ADAMTS19: variants seen among roughly 807,000 people sequenced by gnomAD.
The protein encoded by ADAMTS19 is ADAM metallopeptidase with thrombospondin type 1 motif 19.
Under a neutral mutation model 153.3 loss-of-function variants are expected in ADAMTS19, and 93 were observed. That is an observed-to-expected ratio of 0.61 (90% CI 0.51 to 0.72). The LOEUF (loss-of-function observed/expected upper bound fraction) is 0.72, where lower values mean the gene tolerates loss of function less well. ADAMTS19 is among the 30% of genes least tolerant of loss of function. ADAMTS19 has a pLI of 0.00. For missense variants in ADAMTS19, 1,482 were observed against 1,552.1 expected (o/e 0.95, Z 0.76); for synonymous variants, 600 against 556.6 (o/e 1.08, Z -1.10).
chr5:129,615,633 C>T (rs1344846443), intron 8 of ADAMTS19, among the ~76,000 whole-genome samples: 1 of 151,920 alleles, frequency 6.6e-6, no homozygotes, highest in Non-Finnish European at 1.5e-5. Flanking sequence ...TATTAATACA[C>T]TCATAAGAAC....
intron 7 of ADAMTS19, among the ~76,000 whole-genome samples, chr5:129,592,420 A>G (rs935844520): frequency 6.7e-6 from 1 of 150,130 alleles, no homozygotes; most frequent in Non-Finnish European, 1.5e-5. Flanking sequence ...AAGGGCCTCT[A>G]TTGCATCTAT....
intron 8 of ADAMTS19, among the ~76,000 whole-genome samples, chr5:129,616,960 A>G (rs1018186327): frequency 3.9e-5 from 6 of 152,072 alleles, no homozygotes; most frequent in South Asian, 2.1e-4. Flanking sequence ...GTGAGCATCA[A>G]ACTGCCCGGA....
chr5:129,639,798 A>G (rs1752712608), intron 10 of ADAMTS19, among the ~76,000 whole-genome samples: 1 of 152,212 alleles, frequency 6.6e-6, no homozygotes, highest in Non-Finnish European at 1.5e-5. Flanking sequence ...AAGAAAAATC[A>G]ACATTTGACC....
At chr5:129,519,525 G>A (rs1751722482) in intron 3 of ADAMTS19, among the ~76,000 whole-genome samples, 1 of 151,956 alleles carries the variant, frequency 6.6e-6, no homozygotes, top group Admixed American at 6.6e-5. Flanking sequence ...ACTGTCTCTA[G>A]CACTTGCCTA....
chr5:129,559,683 C>T (rs73787575), intron 7 of ADAMTS19, among the ~76,000 whole-genome samples: 5,936 of 152,200 alleles, frequency 0.039, 359 homozygotes, highest in African/African-American at 0.14. Flanking sequence ...GCATTAAAGA[C>T]ATGTTTATGA....
chr5:129,524,040 C>T (rs1331490635), intron 3 of ADAMTS19, among the ~76,000 whole-genome samples: 3 of 152,074 alleles, frequency 2.0e-5, no homozygotes, highest in Non-Finnish European at 4.4e-5. Context: ...CTGGGGGCAT[C>T]ATGCTACCTG....
intron 15 of ADAMTS19, among the ~76,000 whole-genome samples, chr5:129,659,573 CT>C (rs1333921905): frequency 1.3e-5 from 2 of 151,996 alleles, no homozygotes; most frequent in Admixed American, 6.6e-5. Context: ...CAAATATACT[CT>C]TTTCTTTTTA....
rs1303744004 is a variant in ADAMTS19 at position 129,641,847 on chromosome 5, C to A, written c.1771-12C>A. ...ACCTTCCCCTTATTAGTTATTGTGC[C>A]TTTGTTTTCAGCATGTTATTTGCAC... On this transcript the variant is annotated splice_polypyrimidine_tract_variant and intron_variant, in intron 10 of 22. Coordinates refer to ENST00000274487, the MANE Select transcript of ADAMTS19 (RefSeq NM_133638.6). 6.4e-7 allele frequency: 1 copy of A among 1,551,066 alleles called. No individual in the cohort carries two copies. Among genetic ancestry groups the A allele is most frequent in the Non-Finnish European group, 8.8e-7 (1 of 1,141,320 alleles).
intron 17 of ADAMTS19, among the ~76,000 whole-genome samples, chr5:129,683,411 A>T (rs969145157): frequency 2.0e-5 from 3 of 151,634 alleles, no homozygotes; most frequent in Non-Finnish European, 4.4e-5. Context: ...TGAACTATTT[A>T]TATATATATA....
At chr5:129,536,864 A>T (rs1035845928) in intron 6 of ADAMTS19, among the ~76,000 whole-genome samples, 2 of 150,798 alleles carry the variant, frequency 1.3e-5, no homozygotes, top group African/African-American at 4.9e-5. Context: ...AACAATGAGA[A>T]CACATGGACA....
intron 21 of ADAMTS19, among the ~76,000 whole-genome samples, chr5:129,720,373 G>T (rs1040255364): frequency 1.3e-5 from 2 of 151,726 alleles, no homozygotes; most frequent in East Asian, 3.9e-4. Context: ...GTTTCACCAC[G>T]TTGGCCAGTC....
At chr5:129,460,538 G>A in intron 1 of ADAMTS19, 56 bp downstream of exon 1, 2 of 1,602,836 alleles carry the variant, frequency 1.2e-6, no homozygotes, top group African/African-American at 1.3e-5. Flanking sequence ...CGGAGACCGC[G>A]AACGTACGGG....
intron 11 of ADAMTS19, among the ~76,000 whole-genome samples, chr5:129,642,340 G>T (rs751657937): frequency 7.2e-5 from 11 of 151,898 alleles, no homozygotes; most frequent in Non-Finnish European, 1.5e-4. Context: ...TAAAATAATT[G>T]ACTTAGGAGA....
intron 17 of ADAMTS19, 81 bp from the exon 18 acceptor site, chr5:129,684,039 A>G: frequency 1.4e-6 from 2 of 1,383,120 alleles, no homozygotes; most frequent in South Asian, 3.0e-5. Flanking sequence ...CATTTTAAGT[A>G]TCAATATTGT....
intron 3 of ADAMTS19, among the ~76,000 whole-genome samples, chr5:129,509,522 C>G (rs1238603977): frequency 6.6e-6 from 1 of 151,848 alleles, no homozygotes; most frequent in Non-Finnish European, 1.5e-5. Context: ...GGATACTGTT[C>G]ACTTTACTGG....
At chr5:129,522,338 T>C (rs1336338540) in intron 3 of ADAMTS19, among the ~76,000 whole-genome samples, 131 of 111,864 alleles carry the variant, frequency 1.2e-3, no homozygotes, top group African/African-American at 4.5e-3. Flanking sequence ...CACACATATA[T>C]ATATATATAT....
chr5:129,525,747 C>A (rs534875551), intron 3 of ADAMTS19, among the ~76,000 whole-genome samples: 9 of 152,078 alleles, frequency 5.9e-5, no homozygotes, highest in South Asian at 2.1e-4. Flanking sequence ...TATTCCCAAG[C>A]AGTTATAGCT....
At chr5:129,617,119 CAATT>C (rs1038280684) in intron 8 of ADAMTS19, among the ~76,000 whole-genome samples, 14 of 151,992 alleles carry the variant, frequency 9.2e-5, no homozygotes, top group African/African-American at 3.4e-4. Flanking sequence ...TTAAGGAACA[CAATT>C]AATTGTTTTA....
intron 7 of ADAMTS19, among the ~76,000 whole-genome samples, chr5:129,567,300 A>G (rs1753751374): frequency 6.6e-6 from 1 of 152,188 alleles, no homozygotes; most frequent in African/African-American, 2.4e-5. Context: ...TAAAATGTCT[A>G]GAACACAATT....
Sources: allele counts gnomAD v4.1 joint callset (sites outside exome capture counted in the v4.1 genomes callset), GRCh38; gene constraint gnomAD v4.1.1; transcripts MANE v1.5; gene names NCBI Gene and HGNC (gene_info 2026-07-23, HGNC 2026-07-21).